Variants in ADGRL4 observed in about 807,000 individuals in gnomAD.
ADGRL4 encodes adhesion G protein-coupled receptor L4, also known as EGF, latrophilin and seven transmembrane domain containing 1.
Under a neutral mutation model 74.8 loss-of-function variants are expected in ADGRL4, and 90 were observed. The ratio of observed to expected loss-of-function variants is 1.20; its 90% CI spans 1.02 to 1.43. ADGRL4 has a LOEUF of 1.43. ADGRL4 is among the 40% of genes most tolerant of loss of function. ADGRL4 has a pLI of 0.00. For missense variants in ADGRL4, 881 were observed against 814.3 expected (o/e 1.08, Z -1.00); for synonymous variants, 311 against 279.2 (o/e 1.11, Z -1.14).
chr1:78,891,032 A>T lies in ADGRL4; in HGVS notation c.*122T>A. 1 of 993,002 alleles carries T rather than the reference A, an allele frequency of 1.0e-6. No homozygotes were observed. The highest frequency in any genetic ancestry group is 1.6e-6 in the Non-Finnish European group (1 of 630,034). The allele number at this position is 993,002 out of a possible 1,614,324, so 61.5% of individuals were successfully genotyped here. A position where few individuals can be genotyped will look rare whatever the true frequency, so the allele number is the denominator to read the frequency against. The stretch of plus-strand genomic sequence containing the variant: ...ATAGCATAAACAGAAAAACTGATTT[A>T]AAATACTTTTTGTCTAGTAGTTAAT... On this transcript the variant is annotated 3_prime_UTR_variant, in exon 15 of 15. Coordinates refer to ENST00000370742, the MANE Select transcript of ADGRL4 (RefSeq NM_022159.4).
chr1:78,896,826 T>C (rs1053559617), intron 12 of ADGRL4, among the ~76,000 whole-genome samples: 91 of 152,154 alleles, frequency 6.0e-4, no homozygotes, highest in African/African-American at 2.2e-3. Context: ...TCTGAATGAT[T>C]TGATCTCTGC....
Position 78,980,521 on chromosome 1 carries a change from A to G in ADGRL4, c.172+24549T>C, listed in dbSNP as rs904520517. 1.4e-4 allele frequency among the ~76,000 whole-genome samples: 21 copies of G among 152,128 alleles called. 1 individual carries two copies. The South Asian group carries it at 4.4e-3, about 32-fold the overall frequency. On this transcript the variant is annotated intron_variant, in intron 2 of 14. Transcript: ENST00000370742. ...TGACTTCTATAATTAAAAGACTTTT[A>G]CTTAATATTGTTAAAACACAATTTT...
At chr1:79,003,515 T>TC (rs1650885001) in intron 2 of ADGRL4, among the ~76,000 whole-genome samples, 1 of 151,820 alleles carries the variant, frequency 6.6e-6, no homozygotes, top group African/African-American at 2.4e-5. Context: ...ATTTTTTTTT[T>TC]CCAATGGAAA....
At position 78,891,079 on chromosome 1, in the gene ADGRL4, A is replaced by G; in HGVS notation, c.*75T>C. 3 of 1,426,072 alleles carry G rather than the reference A, an allele frequency of 2.1e-6. No individual in the cohort carries two copies. Among genetic ancestry groups the G allele is most frequent in the Non-Finnish European group, 3.0e-6 (3 of 1,010,830 alleles). The allele number at this position is 1,426,072 out of a possible 1,614,324, so 88.3% of individuals were successfully genotyped here. On this transcript the variant is annotated 3_prime_UTR_variant, in exon 15 of 15. Coordinates refer to ENST00000370742, the MANE Select transcript of ADGRL4 (RefSeq NM_022159.4). ...TAATAATTGGATAATTTGATGAGTC[A>G]TTTTTATACATTGGTCATCCACAGC...
At chr1:78,904,397 T>A (rs1454923951) in intron 12 of ADGRL4, among the ~76,000 whole-genome samples, 1 of 152,090 alleles carries the variant, frequency 6.6e-6, no homozygotes, top group Non-Finnish European at 1.5e-5. Context: ...TTAGTGAGAA[T>A]CATATTGATC....
chr1:78,933,817 A>G (rs1649296450), intron 7 of ADGRL4, among the ~76,000 whole-genome samples: 1 of 147,224 alleles, frequency 6.8e-6, no homozygotes, highest in African/African-American at 2.7e-5. Flanking sequence ...TCATGAATGA[A>G]CTCCCATTCA....
intron 2 of ADGRL4, among the ~76,000 whole-genome samples, chr1:78,987,759 C>T (rs908392728): frequency 5.9e-5 from 9 of 151,742 alleles, no homozygotes; most frequent in Admixed American, 2.0e-4. Flanking sequence ...TTCAATATTG[C>T]ATGACTCTTA....
rs115467473 is a variant in ADGRL4 at position 78,966,463 on chromosome 1, A to T, written c.173-20037T>A. The stretch of plus-strand genomic sequence containing the variant: ...TTTGGCGCCCAACGTGGGTCTTGAG[A>T]AGCGGTGAGTAAAATGGGGACTCAA... On this transcript the variant is annotated intron_variant, in intron 2 of 14. Coordinates refer to ENST00000370742, the MANE Select transcript of ADGRL4 (RefSeq NM_022159.4). Among the ~76,000 whole-genome samples the T allele has an allele frequency of 2.2e-3, 336 of 152,244 alleles. 2 individuals carry two copies. The highest frequency in any genetic ancestry group is 7.7e-3 in the African/African-American group (320 of 41,556).
intron 12 of ADGRL4, among the ~76,000 whole-genome samples, chr1:78,910,789 A>G (rs1381581725): frequency 6.6e-6 from 1 of 151,828 alleles, no homozygotes; most frequent in African/African-American, 2.4e-5. Flanking sequence ...AAGCAAGACT[A>G]GGCCTTTTCA....
chr1:78,991,584 C>G (rs1295614056), intron 2 of ADGRL4, among the ~76,000 whole-genome samples: 2 of 151,844 alleles, frequency 1.3e-5, no homozygotes, highest in African/African-American at 4.8e-5. Flanking sequence ...ATATGCTCAT[C>G]AGCACATATT....
At position 78,932,953 on chromosome 1, in the gene ADGRL4, G is replaced by T. The variant is rs544378979; in HGVS notation, c.877+3342C>A. Among the ~76,000 whole-genome samples the T allele has an allele frequency of 9.2e-5, 14 of 151,402 alleles. 1 individual carries two copies. The South Asian group carries it at 2.5e-3, about 27-fold the overall frequency. On this transcript the variant is annotated intron_variant, in intron 7 of 14. Coordinates refer to ENST00000370742, the MANE Select transcript of ADGRL4 (RefSeq NM_022159.4). ...ATTAGTAACCTCCCAAACAAAAAAA[G>T]CCCAGAGCCAGACTGATTCACAGCC...
intron 12 of ADGRL4, among the ~76,000 whole-genome samples, chr1:78,909,572 T>A (rs1210579280): frequency 1.3e-5 from 2 of 151,928 alleles, no homozygotes; most frequent in Non-Finnish European, 2.9e-5. Flanking sequence ...TATTGTGGAA[T>A]CCTAGTTTAT....
intron 7 of ADGRL4, among the ~76,000 whole-genome samples, chr1:78,931,054 C>T (rs772666314): frequency 6.6e-6 from 1 of 151,176 alleles, no homozygotes; most frequent in East Asian, 1.9e-4. Flanking sequence ...GCAAGACAGG[C>T]CAACATGCAA....
At chr1:78,983,585 T>C (rs901190023) in intron 2 of ADGRL4, among the ~76,000 whole-genome samples, 11 of 152,006 alleles carry the variant, frequency 7.2e-5, no homozygotes, top group Non-Finnish European at 1.5e-4. Context: ...AAGATGTTGA[T>C]GTTTAAGAAA....
Position 78,921,716 on chromosome 1 carries a change from G to A in ADGRL4, c.1154C>T (p.Ser385Phe), listed in dbSNP as rs942344873. Residue 385 changes from serine (S) to phenylalanine (F), a missense_variant, in exon 9 of 15, where the codon TCT becomes TTT. Ser to Phe is a radical substitution (Grantham distance 155, BLOSUM62 -2). Transcript: ENST00000370742. ...GTATGTCAGCTCACAGCCCTCTGAA[G>A]ACCAGCTGCCATTCATGGTATCAGG... ...YSPDTMNGSW[S>F]SEGCELTYSN... The A allele has an allele frequency of 6.2e-7, 1 of 1,604,078 alleles. No homozygotes were observed. The highest frequency in any genetic ancestry group is 8.5e-7 in the Non-Finnish European group (1 of 1,174,850).
intron 12 of ADGRL4, among the ~76,000 whole-genome samples, chr1:78,909,243 T>C (rs1034192904): frequency 3.3e-5 from 5 of 152,020 alleles, no homozygotes; most frequent in African/African-American, 1.2e-4. Flanking sequence ...ATAACTTTAA[T>C]GTGGACATCT....
intron 2 of ADGRL4, among the ~76,000 whole-genome samples, chr1:78,984,690 AAC>A (rs1570271664): frequency 1.3e-5 from 2 of 151,234 alleles, no homozygotes; most frequent in South Asian, 2.1e-4. Context: ...TTTCTTAAAA[AAC>A]ACACACACAC....
chr1:78,899,578 C>T (rs929329952), intron 12 of ADGRL4, among the ~76,000 whole-genome samples: 9 of 152,158 alleles, frequency 5.9e-5, no homozygotes, highest in African/African-American at 4.8e-5. Context: ...TGTTCTCAAA[C>T]TTCTGGGCTC....
chr1:78,899,586 C>T (rs1316869012), intron 12 of ADGRL4, among the ~76,000 whole-genome samples: 1 of 152,116 alleles, frequency 6.6e-6, no homozygotes, highest in African/African-American at 2.4e-5. Flanking sequence ...AACTTCTGGG[C>T]TCAAGCGATC....
Sources: allele counts gnomAD v4.1 joint callset (sites outside exome capture counted in the v4.1 genomes callset), GRCh38; gene constraint gnomAD v4.1.1; transcripts MANE v1.5; gene names NCBI Gene and HGNC (gene_info 2026-07-23, HGNC 2026-07-21).